The following DLGAP2 variants were observed in gnomAD, a reference collection of about 807,000 sequenced individuals.
DLGAP2 encodes DLG associated protein 2.
A neutral mutation model predicts 100.3 loss-of-function variants in DLGAP2; 26 were observed. The ratio of observed to expected loss-of-function variants is 0.26; its 90% CI spans 0.19 to 0.36. The LOEUF is 0.36. Ranked by LOEUF, DLGAP2 falls within the 10% of genes least tolerant of loss-of-function variation. DLGAP2 has a pLI of 1.00. For synonymous variants in DLGAP2, 886 were observed against 630.1 expected (o/e 1.41, Z -6.08); for missense variants, 1,858 against 1,453.2 (o/e 1.28, Z -4.53).
intron 2 of DLGAP2, among the ~76,000 whole-genome samples, chr8:1,006,837 G>A (rs1412123550): frequency 7.3e-5 from 5 of 68,770 alleles, no homozygotes; most frequent in South Asian, 9.9e-4. Context: ...CTCAAGTCTC[G>A]GGATGTGGTC....
chr8:1,140,880 G>C (rs1383728184), intron 2 of DLGAP2, among the ~76,000 whole-genome samples: 1 of 152,200 alleles, frequency 6.6e-6, no homozygotes, highest in African/African-American at 2.4e-5. Context: ...GCCAAGGCAG[G>C]AGAATCGGCA....
intron 2 of DLGAP2, among the ~76,000 whole-genome samples, chr8:999,750 A>G (rs1800890081): frequency 6.6e-6 from 1 of 152,154 alleles, no homozygotes; most frequent in African/African-American, 2.4e-5. Flanking sequence ...AAGTGCTGGG[A>G]TTATAGGCGT....
chr8:998,555 A>G (rs950493768), intron 2 of DLGAP2, among the ~76,000 whole-genome samples: 5 of 151,124 alleles, frequency 3.3e-5, no homozygotes, highest in African/African-American at 1.2e-4. Context: ...CTCCCACCTC[A>G]GCCTCTCAAA....
intron 2 of DLGAP2, among the ~76,000 whole-genome samples, chr8:1,074,887 C>T (rs1280081482): frequency 6.6e-6 from 1 of 152,224 alleles, no homozygotes; most frequent in African/African-American, 2.4e-5. Context: ...CAGGGTCCTG[C>T]ATGGGGTCAA....
intron 3 of DLGAP2, among the ~76,000 whole-genome samples, chr8:1,434,245 C>G: frequency 6.6e-6 from 1 of 152,134 alleles, no homozygotes; most frequent in East Asian, 1.9e-4. Context: ...CTGAGGAAAT[C>G]TCGTTCCGTT....
At chr8:1,072,726 A>G (rs1244233531) in intron 2 of DLGAP2, among the ~76,000 whole-genome samples, 1 of 152,212 alleles carries the variant, frequency 6.6e-6, no homozygotes, top group East Asian at 1.9e-4. Flanking sequence ...TCAGCTGCAC[A>G]CAGTGCTTAC....
intron 1 of DLGAP2, among the ~76,000 whole-genome samples, chr8:789,338 A>G (rs1377549353): frequency 2.6e-5 from 4 of 152,180 alleles, no homozygotes; most frequent in Admixed American, 2.0e-4. Flanking sequence ...CATATCCCGC[A>G]TGGCCGGAGC....
At chr8:915,542 A>G (rs1442913482) in intron 2 of DLGAP2, among the ~76,000 whole-genome samples, 1 of 128,666 alleles carries the variant, frequency 7.8e-6, no homozygotes, top group East Asian at 2.1e-4. Context: ...GCAAGACTCC[A>G]TCTCTAAAAA....
At chr8:1,640,246 G>A (rs185382988) in intron 8 of DLGAP2, among the ~76,000 whole-genome samples, 1 of 152,208 alleles carries the variant, frequency 6.6e-6, no homozygotes, top group African/African-American at 2.4e-5. Flanking sequence ...TCGGGCTGAT[G>A]GACGCTGTGT....
chr8:777,756 C>G (rs899783485), intron 1 of DLGAP2, among the ~76,000 whole-genome samples: 1 of 152,022 alleles, frequency 6.6e-6, no homozygotes, highest in Non-Finnish European at 1.5e-5. Flanking sequence ...GAGGGTAACC[C>G]GACCTTTCTC....
intron 3 of DLGAP2, among the ~76,000 whole-genome samples, chr8:1,330,834 T>G: frequency 7.2e-6 from 1 of 139,546 alleles, no homozygotes. Context: ...GAGTTCTGGG[T>G]GGGAGCACAG....
intron 4 of DLGAP2, among the ~76,000 whole-genome samples, chr8:1,516,300 T>G (rs1800376982): frequency 6.6e-6 from 1 of 151,426 alleles, no homozygotes; most frequent in Admixed American, 6.6e-5. Context: ...CATGAATGAG[T>G]GAGTGAATGA....
chr8:1,153,079 T>C (rs1311041553), intron 2 of DLGAP2, among the ~76,000 whole-genome samples: 3 of 152,202 alleles, frequency 2.0e-5, no homozygotes, highest in Non-Finnish European at 4.4e-5. Context: ...TTCAAGAAAC[T>C]ACCTTTGAGA....
chr8:1,059,653 T>A (rs1404708335), intron 2 of DLGAP2, among the ~76,000 whole-genome samples: 1 of 152,094 alleles, frequency 6.6e-6, no homozygotes, highest in African/African-American at 2.4e-5. Context: ...AAATGCCTGG[T>A]GAATGCTTGT....
At chr8:803,939 A>G (rs1420663425) in intron 1 of DLGAP2, among the ~76,000 whole-genome samples, 2 of 152,210 alleles carry the variant, frequency 1.3e-5, no homozygotes, top group African/African-American at 2.4e-5. Flanking sequence ...GGATAGAAAG[A>G]TGTATCCGTG....
At chr8:1,226,079 A>G (rs1473298799) in intron 2 of DLGAP2, among the ~76,000 whole-genome samples, 1 of 152,152 alleles carries the variant, frequency 6.6e-6, no homozygotes, top group Non-Finnish European at 1.5e-5. Context: ...TAAGGGGGTA[A>G]TATCCAAAAT....
At position 1,081,391 on chromosome 8, in the gene DLGAP2, G is replaced by A. The variant is rs565436515; in HGVS notation, c.73+173425G>A. Among the ~76,000 whole-genome samples, 16 of 152,314 alleles carry A rather than the reference G, an allele frequency of 1.1e-4. No individual in the cohort carries two copies. The South Asian group carries it at 1.2e-3, about 12-fold the overall frequency. ...TTTTGAGATGGAATCTTGCTCTGTC[G>A]CCCAGGTTGGAGTGCAGTGGCGCAG... On this transcript the variant is annotated intron_variant, in intron 2 of 14. Transcript: ENST00000637795.
intron 4 of DLGAP2, among the ~76,000 whole-genome samples, chr8:1,519,862 A>T (rs1277498159): frequency 6.6e-6 from 1 of 152,230 alleles, no homozygotes; most frequent in Non-Finnish European, 1.5e-5. Flanking sequence ...CTTTGGGGGC[A>T]CAGAGCAGGG....
chr8:986,731 C>G (rs1358987658), intron 2 of DLGAP2, among the ~76,000 whole-genome samples: 1 of 150,442 alleles, frequency 6.6e-6, no homozygotes, highest in East Asian at 2.0e-4. Flanking sequence ...GCAATCTTGG[C>G]TCACTGAAAC....
Sources: gnomAD v4.1 joint callset for allele counts (sites outside exome capture counted in the v4.1 genomes callset) on GRCh38, gnomAD v4.1.1 for gene constraint, MANE v1.5 for transcripts, NCBI Gene and HGNC (gene_info 2026-07-23, HGNC 2026-07-21) for gene names.